Variants in ITGAL observed in about 807,000 individuals in gnomAD.
ITGAL encodes integrin subunit alpha L.
In ITGAL, 68 loss-of-function variants were observed where a neutral mutation model predicts 138.4. The observed-to-expected ratio is 0.49, with a 90% confidence interval of 0.40 to 0.60. The LOEUF (loss-of-function observed/expected upper bound fraction) is 0.60, where lower values mean the gene tolerates loss of function less well. Among genes scored for constraint, ITGAL ranks in the 20% least tolerant of loss-of-function variants. The pLI is 0.00. For synonymous variants in ITGAL, 561 were observed against 584.3 expected (o/e 0.96, Z 0.57); for missense variants, 1,256 against 1,478.6 (o/e 0.85, Z 2.47).
intron 17 of ITGAL, among the ~76,000 whole-genome samples, chr16:30,500,798 A>G (rs1468979797): frequency 6.6e-6 from 1 of 152,120 alleles, no homozygotes; most frequent in African/African-American, 2.4e-5. Flanking sequence ...TGAGGTCAGG[A>G]GTTCGAGACC....
chr16:30,515,236 G>A (rs1030026783), intron 25 of ITGAL, among the ~76,000 whole-genome samples: 1 of 152,292 alleles, frequency 6.6e-6, no homozygotes, highest in Middle Eastern at 3.4e-3. Flanking sequence ...AAAACTTAAC[G>A]TGTCTGGGTG....
At chr16:30,479,302 A>C in intron 5 of ITGAL, 29 bp from the exon 6 acceptor site, 1 of 1,613,652 alleles carries the variant, frequency 6.2e-7, no homozygotes, top group South Asian at 1.1e-5. Flanking sequence ...GAGATGCTTC[A>C]CTGGGTCCCT....
chr16:30,507,376 A>G (rs191828246), intron 21 of ITGAL, among the ~76,000 whole-genome samples: 1,558 of 150,902 alleles, frequency 0.01, 10 homozygotes, highest in Admixed American at 0.017. Context: ...GGAGAATGGC[A>G]TGAACCCCAG....
At chr16:30,513,060 G>A (rs1249591449) in intron 24 of ITGAL, among the ~76,000 whole-genome samples, 1 of 152,240 alleles carries the variant, frequency 6.6e-6, no homozygotes, top group Non-Finnish European at 1.5e-5. Flanking sequence ...TTAGAGCCAG[G>A]AAAGATGAGT....
intron 11 of ITGAL, among the ~76,000 whole-genome samples, chr16:30,492,720 C>T (rs1276588656): frequency 1.3e-5 from 2 of 151,488 alleles, no homozygotes; most frequent in East Asian, 1.9e-4. Context: ...CCATGCCCAG[C>T]TAATTTTTTG....
intron 7 of ITGAL, 138 bp from the exon 8 acceptor site, chr16:30,483,689 G>A: frequency 1.1e-6 from 1 of 896,934 alleles, no homozygotes; most frequent in Admixed American, 2.7e-5. Context: ...GACTGCTGCA[G>A]GCTTGGAATC....
chr16:30,487,121 C>T (rs557043390), intron 9 of ITGAL, among the ~76,000 whole-genome samples: 3 of 130,046 alleles, frequency 2.3e-5, no homozygotes, highest in African/African-American at 3.0e-5. Context: ...CCAGCCTGGG[C>T]GACAGAGTGA....
At chr16:30,477,465 A>C (rs2050487918) in intron 4 of ITGAL, 1 of 152,220 alleles carries the variant, frequency 6.6e-6, no homozygotes, top group Non-Finnish European at 1.5e-5. Context: ...AGTTGAGGCC[A>C]GGAGTTCAAG....
Position 30,506,837 on chromosome 16 carries a change from G to C in ITGAL, c.2489G>C (p.Arg830Pro). Reference protein sequence around the residue: ...DLHFPPGLSFRKVEMLKPHSQ... With the variant: ...DLHFPPGLSFPKVEMLKPHSQ... Reference sequence around the variant, plus strand: ...CACTTCCCCCCGGGACTCTCCTTCCGCAAGGTGGAGATGCTGAAGGTGGGT... The same window carrying C: ...CACTTCCCCCCGGGACTCTCCTTCCCCAAGGTGGAGATGCTGAAGGTGGGT... Residue 830 changes from arginine (R) to proline (P), a missense_variant, in exon 21 of 31, where the codon CGC becomes CCC. Physicochemically the swap from Arg to Pro is moderately radical, Grantham distance 103. This residue lies in a region of ITGAL where 867 missense variants were observed against 972.5 expected (regional missense o/e 0.89). Coordinates refer to ENST00000356798, the MANE Select transcript of ITGAL (RefSeq NM_002209.3). 2 of 1,613,856 alleles carry C rather than the reference G, an allele frequency of 1.2e-6. No individual in the cohort carries two copies. The highest frequency in any genetic ancestry group is 1.7e-6 in the Non-Finnish European group (2 of 1,179,840).
intron 15 of ITGAL, among the ~76,000 whole-genome samples, chr16:30,497,326 G>C (rs1338752980): frequency 3.3e-5 from 5 of 151,108 alleles, no homozygotes; most frequent in Non-Finnish European, 7.4e-5. Flanking sequence ...CTGGGTGACA[G>C]AGTGAGACTC....
At chr16:30,492,041 A>G (rs1288703868) in intron 11 of ITGAL, among the ~76,000 whole-genome samples, 1 of 151,910 alleles carries the variant, frequency 6.6e-6, no homozygotes, top group Non-Finnish European at 1.5e-5. Flanking sequence ...CTCACTTTCA[A>G]CTGCTCTGCA....
Position 30,475,558 on chromosome 16 carries a change from A to T in ITGAL, c.305A>T (p.Asp102Val), listed in dbSNP as rs2050458246. Residue 102 changes from aspartate (D) to valine (V), a missense_variant, in exon 4 of 31, where the codon GAC becomes GTC. By Grantham distance (152) the Asp-to-Val change is radical. Transcript: ENST00000356798. Reference protein sequence around the residue: ...SKYLGMTLATDPTDGSILACD... With the variant: ...SKYLGMTLATVPTDGSILACD... ...TACTTGGGAATGACCTTGGCAACAG[A>T]CCCCACAGATGGAAGCATTTTGGTA... 1.9e-6 allele frequency: 3 copies of T among 1,613,462 alleles called. No homozygotes were observed. The Admixed American group carries it at 5.0e-5, about 27-fold the overall frequency.
chr16:30,484,296 G>A (rs759079506), intron 9 of ITGAL, 33 bp downstream of exon 9: 40 of 1,595,740 alleles, frequency 2.5e-5, no homozygotes, highest in South Asian at 1.4e-4. Flanking sequence ...GGGCTCGGGA[G>A]TCTGCATAAA....
intron 1 of ITGAL, chr16:30,473,975 C>G (rs1164254103): frequency 2.9e-6 from 2 of 680,368 alleles, no homozygotes; most frequent in East Asian, 5.6e-5. Context: ...AGAGGCCAAA[C>G]GGGAAGTTGT....
chr16:30,483,990 C>T, intron 8 of ITGAL, 31 bp downstream of exon 8: 1 of 1,601,758 alleles, frequency 6.2e-7, no homozygotes, highest in East Asian at 2.2e-5. Context: ...TGCATCATAT[C>T]TTCCCTCTCC....
chr16:30,504,468 C>T (rs2050953138), intron 18 of ITGAL, among the ~76,000 whole-genome samples: 1 of 151,914 alleles, frequency 6.6e-6, no homozygotes, highest in Admixed American at 6.6e-5. Context: ...AAAGATTAGT[C>T]GGGTGTGATG....
chr16:30,496,377 C>T, intron 14 of ITGAL, 59 bp from the exon 15 acceptor site: 1 of 1,612,590 alleles, frequency 6.2e-7, no homozygotes, highest in Non-Finnish European at 8.5e-7. Flanking sequence ...CAGCCCGATC[C>T]TTCCCTCCCT....
chr16:30,516,753 G>C (rs541977014), intron 25 of ITGAL, among the ~76,000 whole-genome samples: 3 of 152,312 alleles, frequency 2.0e-5, no homozygotes, highest in Admixed American at 6.5e-5. Context: ...GTGTGTGAGA[G>C]TGTGCTGGGC....
In ITGAL at chr16:30,496,090, T is replaced by C; in HGVS notation, c.1504-7T>C. ...TTGGGTGTGACCTGTCTCTTGCTACTTCCTAGTTGGGGTTTGAAGAAGTCT... is the reference window on the plus strand; with the variant it reads ...TTGGGTGTGACCTGTCTCTTGCTACCTCCTAGTTGGGGTTTGAAGAAGTCT... On this transcript the variant is annotated splice_region_variant and splice_polypyrimidine_tract_variant and intron_variant, in intron 13 of 30. Coordinates refer to ENST00000356798, the MANE Select transcript of ITGAL (RefSeq NM_002209.3). 6.2e-7 allele frequency: 1 copy of C among 1,613,020 alleles called. No individual in the cohort carries two copies. Among genetic ancestry groups the C allele is most frequent in the South Asian group, 1.1e-5 (1 of 91,044 alleles).
Sources: allele counts gnomAD v4.1 joint callset (sites outside exome capture counted in the v4.1 genomes callset), GRCh38; gene constraint gnomAD v4.1.1; regional missense constraint gnomAD v4.1.1; transcripts MANE v1.5; gene names NCBI Gene and HGNC (gene_info 2026-07-23, HGNC 2026-07-21).